The following TMEM62 variants were observed in gnomAD, a reference collection of about 807,000 sequenced individuals.
TMEM62 encodes the protein transmembrane protein 62.
Under a neutral mutation model 70.4 loss-of-function variants are expected in TMEM62, and 41 were observed. That is an observed-to-expected ratio of 0.58 (90% CI 0.45 to 0.76). The LOEUF (loss-of-function observed/expected upper bound fraction) is 0.76. TMEM62 is among the 30% of genes least tolerant of loss of function. The probability of loss-of-function intolerance (pLI) is 0.00; values close to 1 mark genes in which losing one functional copy is unlikely to be tolerated. For missense variants in TMEM62, 688 were observed against 788.5 expected (o/e 0.87, Z 1.53); for synonymous variants, 268 against 291.0 (o/e 0.92, Z 0.80).
chr15:43,134,398 G>T lies in TMEM62; in HGVS notation c.292+30G>T, dbSNP rs61268760. On this transcript the variant is annotated intron_variant, in intron 2 of 13. Transcript: ENST00000260403. ...GGAGGCTTGCCGTGCTGTGGTGGTG[G>T]TCTGTGGTCCGCATGGTAGAACTCT... 13,853 of 1,556,976 alleles carry T rather than the reference G, an allele frequency of 8.9e-3. 837 individuals are homozygous for T. In the African/African-American group the frequency reaches 0.14, roughly 16 times the overall value.
chr15:43,166,619 A>C (rs1303648069), intron 10 of TMEM62, among the ~76,000 whole-genome samples: 2 of 149,118 alleles, frequency 1.3e-5, no homozygotes, highest in Admixed American at 1.3e-4. Flanking sequence ...ATTTGGCAGG[A>C]TCACAGGACA....
chr15:43,145,922 G>A (rs1232917714), intron 4 of TMEM62, among the ~76,000 whole-genome samples: 1 of 152,172 alleles, frequency 6.6e-6, no homozygotes, highest in Non-Finnish European at 1.5e-5. Flanking sequence ...CCTGAACACT[G>A]TTGACGCTTA....
intron 10 of TMEM62, among the ~76,000 whole-genome samples, chr15:43,165,268 T>C (rs2039257635): frequency 6.6e-6 from 1 of 151,992 alleles, no homozygotes; most frequent in South Asian, 2.1e-4. Flanking sequence ...CCTTTTTTTC[T>C]CCTCTGTGTA....
chr15:43,168,623 C>T (rs1175094745), intron 10 of TMEM62, among the ~76,000 whole-genome samples: 1 of 152,134 alleles, frequency 6.6e-6, no homozygotes, highest in Non-Finnish European at 1.5e-5. Flanking sequence ...TTACTTTTCT[C>T]TCTTGTTTCC....
intron 10 of TMEM62, among the ~76,000 whole-genome samples, chr15:43,165,623 C>T (rs2039309459): frequency 6.6e-6 from 1 of 151,818 alleles, no homozygotes; most frequent in African/African-American, 2.4e-5. Flanking sequence ...GTCTCAGCTA[C>T]TCGGGAGGCT....
chr15:43,160,989 G>A (rs1239321004), intron 10 of TMEM62, among the ~76,000 whole-genome samples, 195 bp downstream of exon 10: 2 of 152,024 alleles, frequency 1.3e-5, no homozygotes, highest in East Asian at 1.9e-4. Context: ...ATAGTATATT[G>A]TTATAATTGT....
intron 10 of TMEM62, among the ~76,000 whole-genome samples, chr15:43,161,835 T>C (rs1430180963): frequency 3.9e-5 from 6 of 152,070 alleles, no homozygotes; most frequent in Admixed American, 3.9e-4. Flanking sequence ...TAATTTTTTG[T>C]ATTTTTTTAG....
chr15:43,142,357 G>T (rs886983054), intron 4 of TMEM62, among the ~76,000 whole-genome samples: 16 of 152,026 alleles, frequency 1.1e-4, no homozygotes, highest in African/African-American at 3.6e-4. Context: ...TAGAGACAGG[G>T]TTTCACCATA....
chr15:43,151,319 GAAAAAAA>G lies in TMEM62; in HGVS notation c.867-459_867-453del, dbSNP rs896405823. 4.1e-4 allele frequency among the ~76,000 whole-genome samples: 22 copies of G among 53,420 alleles called. 1 individual carries two copies. The highest frequency in any genetic ancestry group is 1.1e-3 in the African/African-American group (20 of 17,574). The allele number at this position is 53,420 out of a possible 152,430, so 35.0% of individuals were successfully genotyped here. The stretch of plus-strand genomic sequence containing the variant: ...GAGTGAGACTCCATCTCAAAAATAA[GAAAAAAA>G]AAAAAAAAAAAGAAAGAAAGGTTTA... On this transcript the variant is annotated intron_variant, in intron 7 of 13. Transcript: ENST00000260403.
chr15:43,162,566 G>A (rs561571327), intron 10 of TMEM62, among the ~76,000 whole-genome samples: 1 of 151,708 alleles, frequency 6.6e-6, no homozygotes, highest in Non-Finnish European at 1.5e-5. Context: ...TGAGTAGCCA[G>A]GATTACCGGC....
intron 10 of TMEM62, among the ~76,000 whole-genome samples, chr15:43,163,571 A>G (rs1179747503): frequency 1.3e-5 from 2 of 152,028 alleles, no homozygotes; most frequent in Admixed American, 1.3e-4. Flanking sequence ...TCACGAGGTC[A>G]GGAGATCGAG....
At chr15:43,153,107 T>C (rs12442190) in intron 8 of TMEM62, among the ~76,000 whole-genome samples, 78,575 of 152,060 alleles carry the variant, frequency 0.52, 23,849 homozygotes, top group Non-Finnish European at 0.65. Flanking sequence ...GGTACATATA[T>C]ATTCTTCCTT....
intron 7 of TMEM62, among the ~76,000 whole-genome samples, chr15:43,150,362 G>GCT (rs1381987995): frequency 1.3e-5 from 2 of 152,118 alleles, no homozygotes; most frequent in African/African-American, 4.8e-5. Flanking sequence ...TCTTCTAAGT[G>GCT]CTCTAGTTAC....
intron 5 of TMEM62, among the ~76,000 whole-genome samples, chr15:43,147,641 A>G (rs578089546): frequency 2.6e-5 from 4 of 152,384 alleles, no homozygotes; most frequent in African/African-American, 9.6e-5. Flanking sequence ...TCAAGTGAAC[A>G]GAATATTGTC....
chr15:43,142,254 C>T (rs1223463138), intron 4 of TMEM62, among the ~76,000 whole-genome samples: 2 of 150,310 alleles, frequency 1.3e-5, no homozygotes, highest in South Asian at 2.1e-4. Flanking sequence ...CAACCTCCGC[C>T]TCCCGGGTTC....
intron 9 of TMEM62, among the ~76,000 whole-genome samples, chr15:43,155,712 T>C (rs2037971800): frequency 6.6e-6 from 1 of 152,174 alleles, no homozygotes; most frequent in South Asian, 2.1e-4. Context: ...AATTCCCCAG[T>C]ATACCCAAAG....
chr15:43,164,647 A>C (rs895756430), intron 10 of TMEM62, among the ~76,000 whole-genome samples: 6 of 151,980 alleles, frequency 3.9e-5, no homozygotes, highest in Non-Finnish European at 7.4e-5. Flanking sequence ...GGCGTGAATC[A>C]CTGTGCCTAG....
At chr15:43,175,637 C>G (rs2040643576) in intron 11 of TMEM62, among the ~76,000 whole-genome samples, 1 of 152,140 alleles carries the variant, frequency 6.6e-6, no homozygotes, top group Admixed American at 6.5e-5. Context: ...TTTAGGGAAG[C>G]CTTTCAGTTG....
intron 10 of TMEM62, among the ~76,000 whole-genome samples, chr15:43,165,604 G>GC (rs1267421590): frequency 6.6e-6 from 1 of 151,842 alleles, no homozygotes; most frequent in Non-Finnish European, 1.5e-5. Context: ...GTGGTGGCGG[G>GC]CACCTGTAGT....
Sources: allele counts gnomAD v4.1 joint callset (sites outside exome capture counted in the v4.1 genomes callset), GRCh38; gene constraint gnomAD v4.1.1; transcripts MANE v1.5; gene names NCBI Gene and HGNC (gene_info 2026-07-23, HGNC 2026-07-21).